The following PCDHGB1 variants were observed in gnomAD, a reference collection of about 807,000 sequenced individuals.
PCDHGB1 encodes protocadherin gamma subfamily B, 1.
In PCDHGB1, 34 loss-of-function variants were observed where a neutral mutation model predicts 56.6. The ratio of observed to expected loss-of-function variants is 0.60; its 90% CI spans 0.46 to 0.80. PCDHGB1 has a LOEUF of 0.80. Among genes scored for constraint, PCDHGB1 ranks in the 30% least tolerant of loss-of-function variants. The pLI is 0.00. For synonymous variants in PCDHGB1, 561 were observed against 505.9 expected, an observed-to-expected ratio of 1.11 and a Z score of -1.46; for missense variants, 1,278 against 1,204.6, an observed-to-expected ratio of 1.06 and a Z score of -0.90.
intron 1 of PCDHGB1, chr5:141,394,551 C>T: frequency 6.2e-7 from 1 of 1,614,138 alleles, no homozygotes; most frequent in Non-Finnish European, 8.5e-7. Context: ...GCTGGCGCCC[C>T]GCTCCGCAGA....
Position 141,491,262 on chromosome 5 carries a change from G to A in PCDHGB1, c.2410-3545G>A. ...TGGAGGATGAGGACCCTGAGGAAATGCCCAAATCCAGTGACTTCCTCATAC... is the reference window on the plus strand; with the variant it reads ...TGGAGGATGAGGACCCTGAGGAAATACCCAAATCCAGTGACTTCCTCATAC... On this transcript the variant is annotated intron_variant, in intron 1 of 3. Transcript: ENST00000523390. The surrounding 1 kb of genome is among the most constrained non-coding windows in gnomAD (Gnocchi z 6.9). 2 of 1,614,122 alleles carry A rather than the reference G, an allele frequency of 1.2e-6. No individual in the cohort carries two copies. Among genetic ancestry groups the A allele is most frequent in the Non-Finnish European group, 1.7e-6 (2 of 1,179,952 alleles).
At chr5:141,420,010 GTC>G in intron 1 of PCDHGB1, 1 of 1,614,088 alleles carries the variant, frequency 6.2e-7, no homozygotes, top group South Asian at 1.1e-5. Context: ...GCCTGCGACA[GTC>G]TTTCAGCCCT....
chr5:141,401,458 A>T (rs1470076616), intron 1 of PCDHGB1, among the ~76,000 whole-genome samples: 1 of 152,186 alleles, frequency 6.6e-6, no homozygotes, highest in Non-Finnish European at 1.5e-5. Context: ...CATCCAAATA[A>T]TTTTCTAAGT....
intron 1 of PCDHGB1, among the ~76,000 whole-genome samples, chr5:141,369,204 G>A (rs970193289): frequency 3.3e-5 from 5 of 152,182 alleles, no homozygotes; most frequent in Non-Finnish European, 7.4e-5. Context: ...ATGGTAAACT[G>A]GGGACCAAGG....
At chr5:141,503,814 T>C (rs539980053) in intron 2 of PCDHGB1, among the ~76,000 whole-genome samples, 2 of 152,100 alleles carry the variant, frequency 1.3e-5, no homozygotes, top group East Asian at 3.9e-4. Flanking sequence ...GAATCCCAGA[T>C]TGGGCAAAAC....
intron 1 of PCDHGB1, chr5:141,478,308 T>A: frequency 6.2e-7 from 1 of 1,614,050 alleles, no homozygotes; most frequent in Non-Finnish European, 8.5e-7. Context: ...CGAGCCCCGG[T>A]GAGCTCACTG....
At position 141,431,525 on chromosome 5, in the gene PCDHGB1, G is replaced by A. The variant is rs1390184616; in HGVS notation, c.2410-63282G>A. The A allele has an allele frequency of 5.6e-6, 9 of 1,613,956 alleles. No individual in the cohort carries two copies. Among genetic ancestry groups the A allele is most frequent in the Non-Finnish European group, 7.6e-6 (9 of 1,180,044 alleles). ...CCGCGCGAGCGTTCCGGAGAATCTG[G>A]CCTTGGGCACGCAGCTGCTTGTAGT... On this transcript the variant is annotated intron_variant, in intron 1 of 3. Transcript: ENST00000523390. This position sits in a 1 kb window ranked among gnomAD's most constrained non-coding sequence, Gnocchi z 4.8.
At chr5:141,404,382 A>G (rs765708858) in intron 1 of PCDHGB1, 27 of 1,613,860 alleles carry the variant, frequency 1.7e-5, no homozygotes, top group South Asian at 1.2e-4. Context: ...GTGATTGCCT[A>G]TGACCCTGAT....
At chr5:141,403,054 A>C in intron 1 of PCDHGB1, 1 of 1,614,062 alleles carries the variant, frequency 6.2e-7, no homozygotes, top group Middle Eastern at 1.6e-4. Flanking sequence ...TTCGCTACTC[A>C]GTGCCTGAAG....
intron 1 of PCDHGB1, among the ~76,000 whole-genome samples, chr5:141,474,010 C>G (rs989832548): frequency 1.3e-5 from 2 of 152,092 alleles, no homozygotes; most frequent in Admixed American, 1.3e-4. Flanking sequence ...CTGGAAGTTA[C>G]AGTGAGCTAT....
chr5:141,441,740 G>T (rs1241907865), intron 1 of PCDHGB1: 2 of 364,772 alleles, frequency 5.5e-6, no homozygotes, highest in Non-Finnish European at 1.1e-5. Context: ...ACTAGCTCGC[G>T]CTCGGCGTCA....
intron 1 of PCDHGB1, among the ~76,000 whole-genome samples, chr5:141,472,980 C>CAAAAA (rs60579131): frequency 1.7e-4 from 15 of 86,092 alleles, no homozygotes; most frequent in East Asian, 4.1e-4. Context: ...GAGTGAAACT[C>CAAAAA]AAAAAAAAAA....
At chr5:141,380,295 A>G (rs956041839) in intron 1 of PCDHGB1, among the ~76,000 whole-genome samples, 2 of 152,172 alleles carry the variant, frequency 1.3e-5, no homozygotes, top group African/African-American at 2.4e-5. Flanking sequence ...GAAGATACCT[A>G]TATCTTTGCT....
Position 141,353,200 on chromosome 5 carries a change from G to T in PCDHGB1, c.2409+531G>T, listed in dbSNP as rs547023027. ...TGTATGGTTGGCAAATCTTGCTAAA[G>T]AGACCTGTTTCCTAGATGTTAACAC... On this transcript the variant is annotated intron_variant, in intron 1 of 3. Coordinates refer to ENST00000523390, the MANE Select transcript of PCDHGB1 (RefSeq NM_018922.3). Among the ~76,000 whole-genome samples, 16 of 152,240 alleles carry T rather than the reference G, an allele frequency of 1.1e-4. No individual in the cohort carries two copies. In the South Asian group the frequency reaches 3.3e-3, roughly 32 times the overall value.
intron 1 of PCDHGB1, among the ~76,000 whole-genome samples, chr5:141,380,801 AT>A (rs1776749377): frequency 6.6e-6 from 1 of 152,258 alleles, no homozygotes; most frequent in Non-Finnish European, 1.5e-5. Context: ...TAAGAAACAA[AT>A]GTGAGATGAA....
rs74964649 is a variant in PCDHGB1 at position 141,370,417 on chromosome 5, G to A, written c.2409+17748G>A. On this transcript the variant is annotated intron_variant, in intron 1 of 3. Transcript: ENST00000523390. Reference sequence around the variant, plus strand: ...GGGATGGGAAATAGCTCCGGATGGAGGGGCCCAGCAGGGCAGAGGCGAATG... The same window carrying A: ...GGGATGGGAAATAGCTCCGGATGGAAGGGCCCAGCAGGGCAGAGGCGAATG... 7.3e-4 allele frequency: 1,146 copies of A among 1,570,760 alleles called. 10 individuals are homozygous for A. In the African/African-American group the frequency reaches 0.014, roughly 19 times the overall value.
intron 1 of PCDHGB1, chr5:141,404,355 G>A (rs1170833341): frequency 6.2e-7 from 1 of 1,613,896 alleles, no homozygotes; most frequent in Admixed American, 1.7e-5. Flanking sequence ...AACGCCAGAG[G>A]TACTTCCATC....
At chr5:141,385,016 C>A (rs536780147) in intron 1 of PCDHGB1, 4 of 1,614,186 alleles carry the variant, frequency 2.5e-6, no homozygotes, top group Non-Finnish European at 3.4e-6. Flanking sequence ...GTCTTCCTAG[C>A]CTTCGTCCTC....
intron 1 of PCDHGB1, chr5:141,413,841 T>A: frequency 6.2e-7 from 1 of 1,613,060 alleles, no homozygotes; most frequent in Non-Finnish European, 8.5e-7. Flanking sequence ...CCGACGGGGG[T>A]GACCCTCTCC....
Sources: gnomAD v4.1 joint callset for allele counts (sites outside exome capture counted in the v4.1 genomes callset) on GRCh38, gnomAD v4.1.1 for gene constraint, Gnocchi (gnomAD v3.1) non-coding constraint, MANE v1.5 for transcripts, NCBI Gene and HGNC (gene_info 2026-07-23, HGNC 2026-07-21) for gene names.